The following NMNAT2 variants were observed in gnomAD, a reference collection of about 807,000 sequenced individuals.
NMNAT2 encodes nicotinamide nucleotide adenylyltransferase 2, also known as nicotinamide/nicotinic acid mononucleotide adenylyltransferase 2.
NMNAT2 carries 11 observed loss-of-function variants against 41.6 expected under a neutral mutation model. That is an observed-to-expected ratio of 0.26 (90% confidence interval 0.17 to 0.44). The LOEUF is 0.44. Among genes scored for constraint, NMNAT2 ranks in the 20% least tolerant of loss-of-function variants. The pLI is 1.00. For synonymous variants in NMNAT2, 148 were observed against 151.2 expected (o/e 0.98, Z 0.16); for missense variants, 288 against 407.7 (o/e 0.71, Z 2.53).
chr1:183,407,353 C>T (rs1018107393), intron 1 of NMNAT2, among the ~76,000 whole-genome samples: 2 of 152,138 alleles, frequency 1.3e-5, no homozygotes, highest in East Asian at 3.9e-4. Context: ...CCCTAAGTCA[C>T]TGGCACCTCG....
intron 1 of NMNAT2, among the ~76,000 whole-genome samples, chr1:183,381,627 G>A (rs540352572): frequency 6.6e-6 from 1 of 152,082 alleles, no homozygotes; most frequent in Non-Finnish European, 1.5e-5. Context: ...AGCCCAGGAA[G>A]AAGAGGTTCC....
At chr1:183,365,930 T>C (rs1300040766) in intron 1 of NMNAT2, among the ~76,000 whole-genome samples, 1 of 152,230 alleles carries the variant, frequency 6.6e-6, no homozygotes, top group Non-Finnish European at 1.5e-5. Context: ...CCCTGACTCA[T>C]ATCTCCAACT....
chr1:183,339,233 G>T (rs1662743065), intron 1 of NMNAT2, among the ~76,000 whole-genome samples: 1 of 152,140 alleles, frequency 6.6e-6, no homozygotes, highest in African/African-American at 2.4e-5. Flanking sequence ...AAGTAGCTGG[G>T]ACTACAGGTG....
intron 1 of NMNAT2, among the ~76,000 whole-genome samples, chr1:183,364,986 C>T (rs1557890488): frequency 1.3e-5 from 2 of 152,134 alleles, no homozygotes; most frequent in Non-Finnish European, 2.9e-5. Flanking sequence ...GGTTCCCATC[C>T]ACCCAGTGCC....
intron 1 of NMNAT2, among the ~76,000 whole-genome samples, chr1:183,365,212 G>T (rs918906228): frequency 2.0e-5 from 3 of 151,970 alleles, no homozygotes; most frequent in Non-Finnish European, 2.9e-5. Context: ...TGATTGTAGA[G>T]GGCAGTGAGA....
intron 1 of NMNAT2, among the ~76,000 whole-genome samples, chr1:183,391,162 GCTT>G (rs1648471339): frequency 6.6e-6 from 1 of 152,104 alleles, no homozygotes; most frequent in African/African-American, 2.4e-5. Flanking sequence ...TCTTTTGCCT[GCTT>G]CTTCTCTCTT....
At chr1:183,410,346 T>A (rs938238423) in intron 1 of NMNAT2, among the ~76,000 whole-genome samples, 6 of 150,364 alleles carry the variant, frequency 4.0e-5, no homozygotes, top group African/African-American at 9.8e-5. Context: ...AAATAAAAAA[T>A]AAATAAATAA....
At chr1:183,385,919 A>G (rs1648229261) in intron 1 of NMNAT2, among the ~76,000 whole-genome samples, 1 of 152,150 alleles carries the variant, frequency 6.6e-6, no homozygotes, top group Non-Finnish European at 1.5e-5. Context: ...AAAGACAGAC[A>G]GGCAAGTCGG....
intron 1 of NMNAT2, among the ~76,000 whole-genome samples, chr1:183,322,625 G>A (rs1662377284): frequency 6.6e-6 from 1 of 152,170 alleles, no homozygotes; most frequent in South Asian, 2.1e-4. Context: ...GCAGCTCTCA[G>A]GGGATCAGTG....
At chr1:183,368,508 AC>A (rs1175409545) in intron 1 of NMNAT2, among the ~76,000 whole-genome samples, 1 of 152,188 alleles carries the variant, frequency 6.6e-6, no homozygotes, top group Non-Finnish European at 1.5e-5. Flanking sequence ...GGGGAGAATT[AC>A]ATAAAGAAGT....
At chr1:183,328,340 C>T (rs889338977) in intron 1 of NMNAT2, among the ~76,000 whole-genome samples, 3 of 152,202 alleles carry the variant, frequency 2.0e-5, no homozygotes, top group African/African-American at 7.2e-5. Flanking sequence ...CAGCAAAATA[C>T]GGACCCTCAG....
chr1:183,291,831 C>T (rs1409995943), intron 3 of NMNAT2, among the ~76,000 whole-genome samples: 1 of 152,202 alleles, frequency 6.6e-6, no homozygotes, highest in Non-Finnish European at 1.5e-5. Context: ...GAAAAAGCAG[C>T]TGTCTCTCTA....
chr1:183,315,714 G>A (rs926634626), intron 1 of NMNAT2, among the ~76,000 whole-genome samples: 1 of 150,630 alleles, frequency 6.6e-6, no homozygotes, highest in African/African-American at 2.4e-5. Context: ...CTGGGAGGCC[G>A]AGGTTGCAGT....
At chr1:183,299,211 A>G (rs566395069) in intron 1 of NMNAT2, among the ~76,000 whole-genome samples, 1 of 152,154 alleles carries the variant, frequency 6.6e-6, no homozygotes, top group South Asian at 2.1e-4. Flanking sequence ...GTCTATACTA[A>G]AAATACAAAA....
At chr1:183,260,868 G>A (rs1481920516) in intron 10 of NMNAT2, 134 bp downstream of exon 10, 1 of 732,840 alleles carries the variant, frequency 1.4e-6, no homozygotes, top group Non-Finnish European at 2.5e-6. Flanking sequence ...AACAAATGAG[G>A]TCCAAACAGG....
intron 1 of NMNAT2, among the ~76,000 whole-genome samples, chr1:183,328,662 C>T (rs181876099): frequency 3.9e-5 from 6 of 152,336 alleles, no homozygotes; most frequent in Admixed American, 3.9e-4. Flanking sequence ...CCAACCTCAA[C>T]ACCTAGTGCC....
intron 1 of NMNAT2, among the ~76,000 whole-genome samples, chr1:183,383,122 C>A (rs1357261996): frequency 6.6e-6 from 1 of 152,236 alleles, no homozygotes; most frequent in Non-Finnish European, 1.5e-5. Context: ...GTGGGCTTAA[C>A]ACCACGTGGA....
intron 1 of NMNAT2, among the ~76,000 whole-genome samples, chr1:183,312,853 G>A (rs929367716): frequency 7.9e-5 from 12 of 152,152 alleles, no homozygotes; most frequent in African/African-American, 2.7e-4. Context: ...CCCTAAATAA[G>A]TCCATGCATG....
At chr1:183,410,456 C>T (rs1319520701) in intron 1 of NMNAT2, among the ~76,000 whole-genome samples, 1 of 152,182 alleles carries the variant, frequency 6.6e-6, no homozygotes, top group African/African-American at 2.4e-5. Flanking sequence ...CAGCTCCCTA[C>T]TGAACTGCTA....
Sources: allele counts gnomAD v4.1 joint callset (sites outside exome capture counted in the v4.1 genomes callset), GRCh38; gene constraint gnomAD v4.1.1; transcripts MANE v1.5; gene names NCBI Gene and HGNC (gene_info 2026-07-23, HGNC 2026-07-21).